MALRD1: variants seen among roughly 807,000 people sequenced by gnomAD.
MALRD1 encodes MAM and LDL-receptor class A domain-containing protein 1.
Under a neutral mutation model 242.1 loss-of-function variants are expected in MALRD1, and 247 were observed. The observed-to-expected ratio is 1.02, with a 90% CI of 0.92 to 1.13. The LOEUF (loss-of-function observed/expected upper bound fraction) is 1.13. Ranked by LOEUF, MALRD1 falls within the 50% of genes most tolerant of loss-of-function variation. MALRD1 has a pLI of 0.00. For missense variants in MALRD1, 2,989 were observed against 2,533.1 expected (o/e 1.18, Z -3.86); for synonymous variants, 995 against 866.6 (o/e 1.15, Z -2.60).
At chr10:19,255,871 C>G (rs1166089555) in intron 18 of MALRD1, among the ~76,000 whole-genome samples, 2 of 151,998 alleles carry the variant, frequency 1.3e-5, no homozygotes, top group Non-Finnish European at 2.9e-5. Flanking sequence ...ATCACATTCT[C>G]TAACCTGTTA....
chr10:19,183,758 C>G (rs1048549483), intron 14 of MALRD1, among the ~76,000 whole-genome samples: 17 of 152,080 alleles, frequency 1.1e-4, no homozygotes, highest in Admixed American at 3.3e-4. Context: ...TGGATTTGCT[C>G]AAGAACTGTT....
At chr10:19,292,262 A>G (rs1248747380) in intron 21 of MALRD1, among the ~76,000 whole-genome samples, 2 of 152,004 alleles carry the variant, frequency 1.3e-5, no homozygotes, top group Non-Finnish European at 2.9e-5. Context: ...TTTTGCATAC[A>G]TGATCTCTTC....
chr10:19,714,388 G>A (rs557427543), intron 38 of MALRD1, among the ~76,000 whole-genome samples: 76 of 152,200 alleles, frequency 5.0e-4, no homozygotes, highest in African/African-American at 1.8e-3. Context: ...AGCGTCTACC[G>A]GCTTCTGCTG....
intron 39 of MALRD1, among the ~76,000 whole-genome samples, chr10:19,733,241 G>A (rs1212686985): frequency 3.3e-5 from 5 of 152,126 alleles, no homozygotes; most frequent in African/African-American, 9.7e-5. Context: ...CAACTGCCAC[G>A]TGCCCATCAG....
rs142300007 is a variant in MALRD1, at chr10:19,322,417, A to G, written c.3420-1532A>G. ...CTTATTTCATTAGGAAGAATGAATG[A>G]TATATATATAACCACAAATTACAAC... On this transcript the variant is annotated intron_variant, in intron 21 of 39. Coordinates refer to ENST00000454679, the MANE Select transcript of MALRD1 (RefSeq NM_001142308.3). Among the ~76,000 whole-genome samples, 470 of 151,916 alleles carry G rather than the reference A, an allele frequency of 3.1e-3. 3 individuals are homozygous for G. Among genetic ancestry groups the G allele is most frequent in the African/African-American group, 0.011 (439 of 41,270 alleles).
At chr10:19,412,261 A>G (rs1833305294) in intron 28 of MALRD1, among the ~76,000 whole-genome samples, 1 of 152,226 alleles carries the variant, frequency 6.6e-6, no homozygotes, top group African/African-American at 2.4e-5. Flanking sequence ...ATTGCACTCC[A>G]GTCTGGGTGA....
chr10:19,551,286 C>T (rs1835458370), intron 32 of MALRD1, among the ~76,000 whole-genome samples: 1 of 152,134 alleles, frequency 6.6e-6, no homozygotes, highest in Middle Eastern at 3.4e-3. Flanking sequence ...TTTTTCAGCA[C>T]TGTCTTGTAA....
intron 38 of MALRD1, among the ~76,000 whole-genome samples, chr10:19,697,833 A>C (rs141487666): frequency 6.6e-6 from 1 of 151,232 alleles, no homozygotes; most frequent in Non-Finnish European, 1.5e-5. Flanking sequence ...CCCTTTCCCT[A>C]TTTCTTTGTC....
At chr10:19,586,855 C>A (rs1386636038) in intron 33 of MALRD1, among the ~76,000 whole-genome samples, 1 of 152,236 alleles carries the variant, frequency 6.6e-6, no homozygotes, top group Non-Finnish European at 1.5e-5. Flanking sequence ...TGATCTCAGA[C>A]TGCTGCGTTA....
At chr10:19,673,196 C>A (rs370607768) in intron 36 of MALRD1, among the ~76,000 whole-genome samples, 108 of 152,216 alleles carry the variant, frequency 7.1e-4, no homozygotes, top group African/African-American at 2.4e-3. Flanking sequence ...TCCTGGCTAA[C>A]ATGGTGAAAC....
Position 19,615,916 on chromosome 10 carries a change from A to G in MALRD1, c.6130A>G (p.Met2044Val), listed in dbSNP as rs531508204. Reference protein sequence around the residue: ...GTCVVEKNGPMCRCRQGWKGN... With the variant: ...GTCVVEKNGPVCRCRQGWKGN... Reference sequence around the variant, plus strand: ...TTGTGTAGTGGAGAAAAATGGTCCTATGTGTCGGTAAGAAGCATTGTTTAA... The same window carrying G: ...TTGTGTAGTGGAGAAAAATGGTCCTGTGTGTCGGTAAGAAGCATTGTTTAA... The change falls in exon 36 of 40, where the codon ATG becomes GTG. Residue 2044 changes from methionine to valine, a missense_variant. Met to Val is a conservative substitution (Grantham distance 21). Transcript: ENST00000454679. The G allele has an allele frequency of 7.9e-6, 12 of 1,527,990 alleles. No homozygotes were observed. In the African/African-American group the frequency reaches 1.4e-4, roughly 18 times the overall value. 94.7% of individuals were successfully genotyped at this position (1,527,990 alleles called of 1,614,324 possible). A position where few individuals can be genotyped will look rare whatever the true frequency, so the allele number is the denominator to read the frequency against.
intron 29 of MALRD1, among the ~76,000 whole-genome samples, chr10:19,451,484 G>T (rs1336603780): frequency 2.6e-5 from 4 of 152,136 alleles, no homozygotes; most frequent in Non-Finnish European, 5.9e-5. Flanking sequence ...CAGTTTGCAA[G>T]GTTCTTTCAG....
At chr10:19,107,086 G>A (rs1836490074) in intron 5 of MALRD1, among the ~76,000 whole-genome samples, 1 of 151,882 alleles carries the variant, frequency 6.6e-6, no homozygotes, top group African/African-American at 2.4e-5. Flanking sequence ...GTGCTGATGG[G>A]AAAATGTGTA....
intron 28 of MALRD1, among the ~76,000 whole-genome samples, chr10:19,404,619 G>T (rs1305163005): frequency 1.3e-5 from 2 of 151,948 alleles, no homozygotes; most frequent in African/African-American, 4.8e-5. Flanking sequence ...ATCAATGGTG[G>T]CAAATAAGTG....
intron 24 of MALRD1, among the ~76,000 whole-genome samples, chr10:19,333,926 G>T (rs900945633): frequency 6.6e-6 from 1 of 151,838 alleles, no homozygotes; most frequent in African/African-American, 2.4e-5. Context: ...TCATATGTTT[G>T]TTGCCCCTTG....
chr10:19,326,737 T>A lies in MALRD1; in HGVS notation c.3577-826T>A, dbSNP rs370514598. Reference sequence around the variant, plus strand: ...AATTTAATTAAAAAAACAGATAATGTAATCATTAAAATTCATCTTCACTTT... The same window carrying A: ...AATTTAATTAAAAAAACAGATAATGAAATCATTAAAATTCATCTTCACTTT... On this transcript the variant is annotated intron_variant, in intron 22 of 39. Coordinates refer to ENST00000454679, the MANE Select transcript of MALRD1 (RefSeq NM_001142308.3). 3.5e-3 allele frequency among the ~76,000 whole-genome samples: 535 copies of A among 152,258 alleles called. 4 individuals are homozygous for A. The highest frequency in any genetic ancestry group is 0.012 in the African/African-American group (496 of 41,578).
chr10:19,494,349 A>G (rs1362683478), intron 30 of MALRD1, among the ~76,000 whole-genome samples: 1 of 152,192 alleles, frequency 6.6e-6, no homozygotes, highest in East Asian at 1.9e-4. Flanking sequence ...CAGTGAAAGA[A>G]CTCTGGCAAC....
chr10:19,692,784 C>A (rs549705033), intron 38 of MALRD1, among the ~76,000 whole-genome samples: 2 of 95,480 alleles, frequency 2.1e-5, no homozygotes. Flanking sequence ...ATATTAGGAG[C>A]CTTTTTGAGG....
intron 28 of MALRD1, among the ~76,000 whole-genome samples, chr10:19,439,706 A>G (rs1834526478): frequency 6.6e-6 from 1 of 152,136 alleles, no homozygotes; most frequent in African/African-American, 2.4e-5. Context: ...GTGTGTGTAT[A>G]TATAGATATA....
Sources: allele counts gnomAD v4.1 joint callset (sites outside exome capture counted in the v4.1 genomes callset), GRCh38; gene constraint gnomAD v4.1.1; transcripts MANE v1.5; gene names NCBI Gene and HGNC (gene_info 2026-07-23, HGNC 2026-07-21).